SLC25A37: variants seen among roughly 807,000 people sequenced by gnomAD.
SLC25A37 encodes the protein mitoferrin-1.
In SLC25A37, 17 loss-of-function variants were observed where a neutral mutation model predicts 31.0. The ratio of observed to expected loss-of-function variants is 0.55; its 90% confidence interval spans 0.38 to 0.82. The LOEUF (loss-of-function observed/expected upper bound fraction) is 0.82. SLC25A37 is among the 40% of genes least tolerant of loss of function. The pLI is 0.00. For missense variants in SLC25A37, 404 were observed against 465.8 expected (o/e 0.87, Z 1.22); for synonymous variants, 222 against 193.0 (o/e 1.15, Z -1.24).
Position 23,571,513 on chromosome 8 carries a change from G to T in SLC25A37, c.675G>T (p.Gln225His). 1 of 1,613,952 alleles carries T rather than the reference G, an allele frequency of 6.2e-7. No homozygotes were observed. Among genetic ancestry groups the T allele is most frequent in the Non-Finnish European group, 8.5e-7 (1 of 1,179,876 alleles). ...HFITYEFLQE[Q>H]VNPHRTYNPQ... is the part of the protein sequence containing the mutation. ...TCACCTATGAGTTCCTGCAGGAGCA[G>T]GTCAACCCCCACCGGACCTACAACC... Residue 225 changes from glutamine to histidine, a missense_variant, in exon 4 of 4, where the codon CAG (glutamine) becomes CAT (histidine). Around this residue, in one of 3 missense-constraint regions of SLC25A37, gnomAD observed 243 missense variants for 284.4 expected, o/e 0.85. Coordinates refer to ENST00000519973, the MANE Select transcript of SLC25A37 (RefSeq NM_016612.4).
chr8:23,570,019 C>T (rs1169996325), intron 3 of SLC25A37, among the ~76,000 whole-genome samples: 1 of 151,948 alleles, frequency 6.6e-6, no homozygotes, highest in African/African-American at 2.4e-5. Flanking sequence ...TCTCAGCTAC[C>T]CTCCATGTCC....
chr8:23,560,025 A>T (rs1802472565), intron 1 of SLC25A37, among the ~76,000 whole-genome samples: 1 of 152,160 alleles, frequency 6.6e-6, no homozygotes, highest in Non-Finnish European at 1.5e-5. Flanking sequence ...TTTAAAAAAG[A>T]GAGTACTTTG....
At chr8:23,552,967 T>G (rs186690870) in intron 1 of SLC25A37, among the ~76,000 whole-genome samples, 3 of 152,278 alleles carry the variant, frequency 2.0e-5, no homozygotes, top group African/African-American at 7.2e-5. Flanking sequence ...GGGAGCCTTG[T>G]GTGGAGTCTG....
At chr8:23,566,386 G>A (rs777270823) in intron 2 of SLC25A37, 50 bp downstream of exon 2, 4 of 1,568,754 alleles carry the variant, frequency 2.5e-6, no homozygotes, top group Admixed American at 2.1e-5. Flanking sequence ...TCTTCAACAC[G>A]TCCCTCCCCA....
chr8:23,569,493 G>A (rs1802764604), intron 3 of SLC25A37, among the ~76,000 whole-genome samples: 3 of 152,060 alleles, frequency 2.0e-5, no homozygotes, highest in Non-Finnish European at 4.4e-5. Context: ...CCCATCAGAG[G>A]CTATTCTTTA....
chr8:23,531,710 C>T (rs1409762979), intron 1 of SLC25A37: 1 of 152,132 alleles, frequency 6.6e-6, no homozygotes, highest in East Asian at 1.9e-4. Flanking sequence ...GAGCTCTGTG[C>T]TGGTCACTTT....
intron 1 of SLC25A37, among the ~76,000 whole-genome samples, chr8:23,547,479 A>G (rs1035659522): frequency 6.6e-6 from 1 of 152,226 alleles, no homozygotes; most frequent in Admixed American, 6.5e-5. Context: ...TGTCTATAAA[A>G]TGTCAAGATT....
intron 1 of SLC25A37, among the ~76,000 whole-genome samples, chr8:23,547,774 A>T (rs778365422): frequency 6.6e-6 from 1 of 152,246 alleles, no homozygotes; most frequent in South Asian, 2.1e-4. Flanking sequence ...ACATACTTGT[A>T]ACTTCCAACG....
chr8:23,545,277 A>G (rs1246501561), intron 1 of SLC25A37, among the ~76,000 whole-genome samples: 1 of 152,152 alleles, frequency 6.6e-6, no homozygotes, highest in Non-Finnish European at 1.5e-5. Context: ...GTCTCTTTTG[A>G]AAGGTAACTG....
At chr8:23,535,132 C>T (rs1297039390) in intron 1 of SLC25A37, among the ~76,000 whole-genome samples, 1 of 152,182 alleles carries the variant, frequency 6.6e-6, no homozygotes, top group Non-Finnish European at 1.5e-5. Flanking sequence ...CTGCTGGGGC[C>T]TTTAGTTTCT....
chr8:23,543,741 G>A (rs1801961456), intron 1 of SLC25A37, among the ~76,000 whole-genome samples: 4 of 152,020 alleles, frequency 2.6e-5, no homozygotes, highest in Admixed American at 6.5e-5. Context: ...CGCTGTGTTA[G>A]CCAGTATGGT....
chr8:23,562,517 A>G (rs1270709025), intron 1 of SLC25A37, among the ~76,000 whole-genome samples: 1 of 152,158 alleles, frequency 6.6e-6, no homozygotes, highest in African/African-American at 2.4e-5. Context: ...TTGGGTTCCC[A>G]ATAAATCATC....
intron 1 of SLC25A37, among the ~76,000 whole-genome samples, chr8:23,549,537 G>A (rs1802166582): frequency 6.6e-6 from 1 of 152,206 alleles, no homozygotes; most frequent in South Asian, 2.1e-4. Flanking sequence ...TCTTGCGGTT[G>A]TTTCCTCTGG....
chr8:23,562,594 C>T (rs1802545368), intron 1 of SLC25A37, among the ~76,000 whole-genome samples: 1 of 152,196 alleles, frequency 6.6e-6, no homozygotes, highest in African/African-American at 2.4e-5. Flanking sequence ...CCTGCACAAC[C>T]CTGGAAGGTC....
intron 1 of SLC25A37, among the ~76,000 whole-genome samples, chr8:23,549,593 T>G (rs1001467109): frequency 1.3e-5 from 2 of 152,198 alleles, no homozygotes; most frequent in Non-Finnish European, 2.9e-5. Context: ...GTGCATCTGG[T>G]GTCCTGTCAT....
At chr8:23,568,239 TG>T in intron 2 of SLC25A37, 82 bp from the exon 3 acceptor site, 1 of 1,496,128 alleles carries the variant, frequency 6.7e-7, no homozygotes, top group Non-Finnish European at 9.3e-7. Flanking sequence ...AGCTAAGTCC[TG>T]GGTTCCGTCT....
intron 1 of SLC25A37, among the ~76,000 whole-genome samples, chr8:23,550,467 TG>T (rs1286578287): frequency 6.6e-6 from 1 of 152,174 alleles, no homozygotes; most frequent in Non-Finnish European, 1.5e-5. Flanking sequence ...CCTTCTTCTG[TG>T]GATAATAGGC....
In SLC25A37 at chr8:23,550,436, G is replaced by A. The variant is rs1328408180; in HGVS notation, c.211-15672G>A. On this transcript the variant is annotated intron_variant, in intron 1 of 3. Transcript: ENST00000519973. ...GAGGAATGAGCAAGAGGAGGCTGGCGACGGGACTGCTTTAAAAATCCCTTC... is the reference window on the plus strand; with the variant it reads ...GAGGAATGAGCAAGAGGAGGCTGGCAACGGGACTGCTTTAAAAATCCCTTC... Among the ~76,000 whole-genome samples the A allele has an allele frequency of 3.9e-5, 6 of 152,340 alleles. No homozygotes were observed. The South Asian group carries it at 6.2e-4, about 16-fold the overall frequency.
Position 23,569,402 on chromosome 8 carries a change from TACACAC to T in SLC25A37, c.496+1045_496+1050del, listed in dbSNP as rs10608830. Reference sequence around the variant, plus strand: ...CACTATTCTAAAACCTATGTGTGCATACACACACACACACACACACACACACTCACT... The same window carrying T: ...CACTATTCTAAAACCTATGTGTGCATACACACACACACACACACACTCACT... On this transcript the variant is annotated intron_variant, in intron 3 of 3. Transcript: ENST00000519973. Among the ~76,000 whole-genome samples the T allele has an allele frequency of 5.6e-3, 847 of 150,172 alleles. 11 individuals are homozygous for T. In the East Asian group the frequency reaches 0.063, roughly 11 times the overall value.
Sources: gnomAD v4.1 joint callset for allele counts (sites outside exome capture counted in the v4.1 genomes callset) on GRCh38, gnomAD v4.1.1 for gene constraint, gnomAD v4.1.1 regional missense constraint, MANE v1.5 for transcripts, NCBI Gene and HGNC (gene_info 2026-07-23, HGNC 2026-07-21) for gene names.